Variants in ROR1 observed in about 807,000 individuals in gnomAD.
ROR1 encodes ROR family WNT receptor 1.
Under a neutral mutation model 78.8 loss-of-function variants are expected in ROR1, and 19 were observed. The ratio of observed to expected loss-of-function variants is 0.24; its 90% CI spans 0.17 to 0.35. ROR1 has a LOEUF of 0.35. Among genes scored for constraint, ROR1 ranks in the 10% least tolerant of loss-of-function variants. The pLI is 1.00. For missense variants in ROR1, 917 were observed against 1,177.8 expected, an observed-to-expected ratio of 0.78 and a Z score of 3.24; for synonymous variants, 386 against 433.6, an observed-to-expected ratio of 0.89 and a Z score of 1.36.
At chr1:63,951,722 A>G (rs1180427659) in intron 1 of ROR1, among the ~76,000 whole-genome samples, 1 of 152,012 alleles carries the variant, frequency 6.6e-6, no homozygotes, top group Non-Finnish European at 1.5e-5. Flanking sequence ...CCCCCTCACC[A>G]CCAGCCCACA....
At position 64,015,703 on chromosome 1, in the gene ROR1, G is replaced by T. The variant is rs534525512; in HGVS notation, c.163+6327G>T. ...TGCCTTGGCTCTTGGCACGTGGCAA[G>T]CTGATGAACAGTCTTCCTAGGACTG... On this transcript the variant is annotated intron_variant, in intron 2 of 8. Coordinates refer to ENST00000371079, the MANE Select transcript of ROR1 (RefSeq NM_005012.4). Among the ~76,000 whole-genome samples, 4 of 152,278 alleles carry T rather than the reference G, an allele frequency of 2.6e-5. No homozygotes were observed. The South Asian group carries it at 8.3e-4, about 32-fold the overall frequency.
At chr1:64,104,132 G>A (rs572550214) in intron 4 of ROR1, among the ~76,000 whole-genome samples, 6 of 152,128 alleles carry the variant, frequency 3.9e-5, no homozygotes, top group East Asian at 3.9e-4. Context: ...ATTACCCTTA[G>A]GACATTTCTT....
At chr1:64,091,426 G>T (rs1230382055) in intron 4 of ROR1, among the ~76,000 whole-genome samples, 1 of 152,160 alleles carries the variant, frequency 6.6e-6, no homozygotes. Context: ...ATTTATCAAA[G>T]ATTCAGTATA....
At chr1:63,900,300 A>G (rs1054715285) in intron 1 of ROR1, among the ~76,000 whole-genome samples, 1 of 152,046 alleles carries the variant, frequency 6.6e-6, no homozygotes, top group African/African-American at 2.4e-5. Flanking sequence ...CTAAAAATAC[A>G]AAAATTAGTT....
At chr1:63,954,290 C>G (rs1645964222) in intron 1 of ROR1, among the ~76,000 whole-genome samples, 1 of 152,196 alleles carries the variant, frequency 6.6e-6, no homozygotes, top group South Asian at 2.1e-4. Flanking sequence ...AGGGCACACC[C>G]AGCTCATTTG....
intron 8 of ROR1, among the ~76,000 whole-genome samples, chr1:64,168,046 T>C (rs922279776): frequency 6.6e-6 from 1 of 152,212 alleles, no homozygotes; most frequent in Non-Finnish European, 1.5e-5. Context: ...ACTTAACCAC[T>C]GAATGCCTTA....
chr1:64,067,735 C>T (rs1276152455), intron 4 of ROR1, among the ~76,000 whole-genome samples: 6 of 98,872 alleles, frequency 6.1e-5, no homozygotes, highest in South Asian at 2.9e-4. Context: ...TTTTTTGAGA[C>T]GGAGTCTCGC....
At chr1:63,906,026 T>C (rs186582891) in intron 1 of ROR1, among the ~76,000 whole-genome samples, 1 of 152,310 alleles carries the variant, frequency 6.6e-6, no homozygotes, top group East Asian at 1.9e-4. Flanking sequence ...TTTTAGGTAA[T>C]CTGGATTCTT....
intron 7 of ROR1, among the ~76,000 whole-genome samples, chr1:64,156,819 G>A (rs966156818): frequency 6.6e-6 from 1 of 151,640 alleles, no homozygotes. Context: ...CATGAAACAA[G>A]AGGAACCCTA....
rs555852303 is a variant in ROR1 at position 63,962,692 on chromosome 1, A to G, written c.92-46613A>G. On this transcript the variant is annotated intron_variant, in intron 1 of 8. Transcript: ENST00000371079. ...AGAGCCGGGAGTGGAGAGTGTCACGATGGAGGCTGAGCTACCTGTGGGAAA... is the reference window on the plus strand; with the variant it reads ...AGAGCCGGGAGTGGAGAGTGTCACGGTGGAGGCTGAGCTACCTGTGGGAAA... 2.6e-5 allele frequency among the ~76,000 whole-genome samples: 4 copies of G among 152,270 alleles called. No individual in the cohort carries two copies. The East Asian group carries it at 7.7e-4, about 29-fold the overall frequency.
At chr1:63,943,363 C>T (rs1045103263) in intron 1 of ROR1, among the ~76,000 whole-genome samples, 1 of 152,172 alleles carries the variant, frequency 6.6e-6, no homozygotes, top group African/African-American at 2.4e-5. Context: ...CAGGCACCGA[C>T]ACCCAAACTC....
chr1:64,113,475 G>A (rs1648193478), intron 4 of ROR1, among the ~76,000 whole-genome samples: 3 of 152,136 alleles, frequency 2.0e-5, no homozygotes, highest in Admixed American at 6.6e-5. Context: ...TAGTGTGGTC[G>A]TTAATGGTCC....
At chr1:63,937,545 G>A (rs1645803645) in intron 1 of ROR1, among the ~76,000 whole-genome samples, 1 of 151,848 alleles carries the variant, frequency 6.6e-6, no homozygotes. Context: ...ATACATGTGT[G>A]GTGACCACAT....
Position 64,167,898 on chromosome 1 carries a change from T to C in ROR1, c.1386+8706T>C, listed in dbSNP as rs1257926715. On this transcript the variant is annotated intron_variant, in intron 8 of 8. Transcript: ENST00000371079. ...TTTTGCATCAATGGTCCTCATGCTT[T>C]TAAAATGTAGAGTCCTTTGAGGATC... 5.9e-5 allele frequency among the ~76,000 whole-genome samples: 9 copies of C among 152,228 alleles called. 1 individual carries two copies. Among genetic ancestry groups the C allele is most frequent in the Admixed American group, 5.9e-4 (9 of 15,282 alleles).
At chr1:64,071,702 G>A (rs1452619633) in intron 4 of ROR1, among the ~76,000 whole-genome samples, 1 of 152,154 alleles carries the variant, frequency 6.6e-6, no homozygotes, top group Non-Finnish European at 1.5e-5. Context: ...GCAACTGCGG[G>A]GAGAAGGATG....
At chr1:64,160,796 G>A (rs1649918348) in intron 8 of ROR1, among the ~76,000 whole-genome samples, 1 of 152,112 alleles carries the variant, frequency 6.6e-6, no homozygotes, top group Admixed American at 6.5e-5. Context: ...CATTTCTGTT[G>A]GTAAATGTTG....
chr1:63,944,813 C>T (rs1417187466), intron 1 of ROR1, among the ~76,000 whole-genome samples: 4 of 152,098 alleles, frequency 2.6e-5, no homozygotes, highest in Non-Finnish European at 5.9e-5. Context: ...GGCCAAATCT[C>T]CTAATTGCCT....
intron 1 of ROR1, among the ~76,000 whole-genome samples, chr1:63,820,734 T>C (rs1457961269): frequency 6.6e-6 from 1 of 152,186 alleles, no homozygotes; most frequent in African/African-American, 2.4e-5. Context: ...GGAGTGGTTG[T>C]GTAGTGATAG....
chr1:63,844,626 A>G (rs1353690228), intron 1 of ROR1, among the ~76,000 whole-genome samples: 1 of 152,206 alleles, frequency 6.6e-6, no homozygotes, highest in Non-Finnish European at 1.5e-5. Context: ...TAGCTTAATA[A>G]TAACAGGTTA....
Sources: gnomAD v4.1 joint callset for allele counts (sites outside exome capture counted in the v4.1 genomes callset) on GRCh38, gnomAD v4.1.1 for gene constraint, MANE v1.5 for transcripts, NCBI Gene and HGNC (gene_info 2026-07-23, HGNC 2026-07-21) for gene names.